The following RARB variants were observed in gnomAD, a reference collection of about 807,000 sequenced individuals.
The protein encoded by RARB is HBV-activated protein.
A neutral mutation model predicts 51.9 loss-of-function variants in RARB; 17 were observed. The ratio of observed to expected loss-of-function variants is 0.33; its 90% CI spans 0.22 to 0.49. The LOEUF is 0.49. RARB is among the 20% of genes least tolerant of loss of function. RARB has a pLI of 0.99. For missense variants in RARB, 369 were observed against 550.8 expected (o/e 0.67, Z 3.30); for synonymous variants, 215 against 195.4 (o/e 1.10, Z -0.84).
At chr3:25,274,923 T>A (rs1171363147) in intron 5 of RARB, among the ~76,000 whole-genome samples, 1 of 152,122 alleles carries the variant, frequency 6.6e-6, no homozygotes, top group African/African-American at 2.4e-5. Flanking sequence ...TAGGGAAATA[T>A]CCTTGCCCAC....
At chr3:24,871,728 A>G (rs1702951745) in intron 2 of RARB, among the ~76,000 whole-genome samples, 1 of 152,238 alleles carries the variant, frequency 6.6e-6, no homozygotes, top group Non-Finnish European at 1.5e-5. Flanking sequence ...TAAACTCCTT[A>G]TCTCTCTTCT....
intron 2 of RARB, among the ~76,000 whole-genome samples, chr3:25,028,326 G>T (rs984227732): frequency 3.3e-5 from 5 of 152,168 alleles, no homozygotes; most frequent in African/African-American, 1.2e-4. Flanking sequence ...TAGAAAACAG[G>T]CAGGAGTCAG....
At chr3:25,431,301 A>G (rs1422865899) in intron 1 of RARB, among the ~76,000 whole-genome samples, 1 of 152,030 alleles carries the variant, frequency 6.6e-6, no homozygotes, top group East Asian at 1.9e-4. Flanking sequence ...ATAAAGTAAG[A>G]CCTTTGAACA....
intron 5 of RARB, among the ~76,000 whole-genome samples, chr3:25,416,502 T>C (rs1170897952): frequency 1.3e-5 from 2 of 152,200 alleles, no homozygotes; most frequent in Non-Finnish European, 2.9e-5. Context: ...CTAGATTTCA[T>C]CTTCAAAGCC....
At chr3:24,949,426 C>T (rs938815043) in intron 2 of RARB, among the ~76,000 whole-genome samples, 4 of 152,008 alleles carry the variant, frequency 2.6e-5, no homozygotes, top group African/African-American at 9.7e-5. Flanking sequence ...ACGGTAAAAT[C>T]GAAGATCAAA....
At chr3:25,056,010 T>G (rs1260689282) in intron 2 of RARB, among the ~76,000 whole-genome samples, 1 of 152,122 alleles carries the variant, frequency 6.6e-6, no homozygotes, top group Non-Finnish European at 1.5e-5. Context: ...GAGTTTAATC[T>G]AACCAATCTG....
At chr3:25,026,331 T>A (rs1040881501) in intron 2 of RARB, among the ~76,000 whole-genome samples, 2 of 152,198 alleles carry the variant, frequency 1.3e-5, no homozygotes, top group Non-Finnish European at 2.9e-5. Flanking sequence ...CAATTTTTCT[T>A]AAAGTCTTCT....
At position 25,171,485 on chromosome 3, in the gene RARB, T is replaced by TA. The variant is rs10559921; in HGVS notation, c.-279-2608dup. On this transcript the variant is annotated intron_variant, in intron 4 of 11. Coordinates refer to the RARB transcript ENST00000383772. The stretch of plus-strand genomic sequence containing the variant: ...TTGCCTATTATCAGTATAAGCAGTT[T>TA]AAAAAAAAAAAAAAAAAAAAAAAAA... Among the ~76,000 whole-genome samples, 17 of 9,974 alleles carry TA rather than the reference T, an allele frequency of 1.7e-3. 1 individual carries two copies. The highest frequency in any genetic ancestry group is 5.9e-3 in the African/African-American group (12 of 2,024). The allele number at this position is 9,974 out of a possible 152,430, so 6.5% of individuals were successfully genotyped here.
intron 2 of RARB, among the ~76,000 whole-genome samples, chr3:25,483,162 A>G (rs1696313461): frequency 6.6e-6 from 1 of 152,204 alleles, no homozygotes; most frequent in Non-Finnish European, 1.5e-5. Flanking sequence ...TCAAGTGCAA[A>G]CAGACATGGA....
intron 2 of RARB, among the ~76,000 whole-genome samples, chr3:24,969,866 C>T (rs1269628184): frequency 2.6e-5 from 4 of 152,052 alleles, no homozygotes; most frequent in African/African-American, 9.7e-5. Context: ...TATGTATTTC[C>T]TTCTCCGTCA....
intron 1 of RARB, among the ~76,000 whole-genome samples, chr3:25,444,624 C>G (rs1240135259): frequency 6.6e-6 from 1 of 152,154 alleles, no homozygotes; most frequent in Non-Finnish European, 1.5e-5. Flanking sequence ...GTATTATGGC[C>G]TATTACCTGC....
intron 5 of RARB, among the ~76,000 whole-genome samples, chr3:25,267,221 A>T (rs1200804893): frequency 6.6e-6 from 1 of 152,182 alleles, no homozygotes; most frequent in African/African-American, 2.4e-5. Flanking sequence ...TTTACTAAGC[A>T]CCTTCATTTT....
chr3:24,847,022 T>G (rs1419125823), intron 1 of RARB, among the ~76,000 whole-genome samples: 1 of 152,142 alleles, frequency 6.6e-6, no homozygotes, highest in East Asian at 1.9e-4. Context: ...TGCAAGCAAA[T>G]CACCAGGAGA....
chr3:25,132,579 T>C (rs2125333640), intron 4 of RARB, among the ~76,000 whole-genome samples: 1 of 152,012 alleles, frequency 6.6e-6, no homozygotes, highest in Admixed American at 6.6e-5. Context: ...GCTTGGCACT[T>C]TTATGGAAGT....
intron 2 of RARB, among the ~76,000 whole-genome samples, chr3:24,976,652 G>A (rs1696520057): frequency 6.6e-6 from 1 of 151,944 alleles, no homozygotes. Flanking sequence ...TGTAGATTCT[G>A]CATATTAGCC....
intron 2 of RARB, among the ~76,000 whole-genome samples, chr3:24,890,282 G>A (rs1023158258): frequency 6.6e-6 from 1 of 152,180 alleles, no homozygotes; most frequent in African/African-American, 2.4e-5. Context: ...CTCAACCTGT[G>A]TGTATTTCTA....
At position 25,123,126 on chromosome 3, in the gene RARB, CTG is replaced by C. The variant is rs1201819696; in HGVS notation, c.-327-9033_-327-9032del. On this transcript the variant is annotated intron_variant, in intron 3 of 11. Coordinates refer to the RARB transcript ENST00000383772. Reference sequence around the variant, plus strand: ...GTGTCGGCAGGGAGGAGTTTCATAACTGTTTTCTGCTGTCCAGGCAAAACTCC... The same window carrying C: ...GTGTCGGCAGGGAGGAGTTTCATAACTTTTCTGCTGTCCAGGCAAAACTCC... Among the ~76,000 whole-genome samples, 9 of 152,288 alleles carry C rather than the reference CTG, an allele frequency of 5.9e-5. 1 individual carries two copies. In the Middle Eastern group the frequency reaches 0.01, roughly 173 times the overall value.
chr3:25,217,646 C>A (rs1202922826), intron 5 of RARB, among the ~76,000 whole-genome samples: 1 of 152,108 alleles, frequency 6.6e-6, no homozygotes, highest in African/African-American at 2.4e-5. Flanking sequence ...TTTGTCTCCC[C>A]CTGAACCTTT....
chr3:24,883,913 CTA>C (rs1703224607), intron 2 of RARB, among the ~76,000 whole-genome samples: 1 of 152,054 alleles, frequency 6.6e-6, no homozygotes, highest in South Asian at 2.1e-4. Context: ...ATTTTAGGCT[CTA>C]TGTGGTTATT....
Sources: gnomAD v4.1 joint callset for allele counts (sites outside exome capture counted in the v4.1 genomes callset) on GRCh38, gnomAD v4.1.1 for gene constraint, MANE v1.5 for transcripts, NCBI Gene and HGNC (gene_info 2026-07-23, HGNC 2026-07-21) for gene names.